CEP63: variants seen among roughly 807,000 people sequenced by gnomAD.
The protein encoded by CEP63 is centrosomal protein 63, also known as centrosomal protein of 63 kDa.
In CEP63, 84 loss-of-function variants were observed where a neutral mutation model predicts 89.1. That is an observed-to-expected ratio of 0.94 (90% CI 0.79 to 1.13). CEP63 has a LOEUF of 1.13. Ranked by LOEUF, CEP63 falls within the 50% of genes most tolerant of loss-of-function variation. The pLI is 0.00. For missense variants in CEP63, 838 were observed against 813.3 expected, an observed-to-expected ratio of 1.03 and a Z score of -0.37; for synonymous variants, 267 against 272.5, an observed-to-expected ratio of 0.98 and a Z score of 0.20.
At chr3:134,687,233 A>G in the CEP63 span, among the ~76,000 whole-genome samples, 2 of 152,214 alleles carry the variant, frequency 1.3e-5, no homozygotes, top group Non-Finnish European at 2.9e-5. Flanking sequence ...ACACATTAGA[A>G]CACACATTTT....
chr3:134,547,395 C>G lies in CEP63; in HGVS notation c.990C>G (p.Asp330Glu). The change falls in exon 9 of 15, where the codon GAC (aspartate) becomes GAG (glutamate). Residue 330 changes from aspartate to glutamate, a missense_variant. By Grantham distance (45) the Asp-to-Glu change is conservative (BLOSUM62 2). Coordinates refer to ENST00000675561, the MANE Select transcript of CEP63 (RefSeq NM_001353108.3). ...CCTCTCAAGGGCAGGGGGACTTAGACAGTGTGCTCTCCCAGTTGAATTTTA... is the reference window on the plus strand; with the variant it reads ...CCTCTCAAGGGCAGGGGGACTTAGAGAGTGTGCTCTCCCAGTTGAATTTTA... ...KYTSQGQGDL[D>E]SVLSQLNFTH... 2 of 1,613,412 alleles carry G rather than the reference C, an allele frequency of 1.2e-6. No homozygotes were observed. Among genetic ancestry groups the G allele is most frequent in the Middle Eastern group, 1.7e-4 (1 of 6,060 alleles).
chr3:134,743,068 G>A, the CEP63 span, among the ~76,000 whole-genome samples: 2 of 152,176 alleles, frequency 1.3e-5, no homozygotes, highest in African/African-American at 4.8e-5. Context: ...TAACACCCAG[G>A]GCAGCTGCCT....
chr3:134,671,400 G>A, the CEP63 span, among the ~76,000 whole-genome samples: 1 of 152,110 alleles, frequency 6.6e-6, no homozygotes, highest in Non-Finnish European at 1.5e-5. Context: ...TCATTATTTG[G>A]GTAATGGGTG....
At chr3:134,629,716 A>G in the CEP63 span, 1 of 1,522,286 alleles carries the variant, frequency 6.6e-7, no homozygotes, top group Non-Finnish European at 9.0e-7. Context: ...AAAGGAGATG[A>G]CATTCTCAAC....
chr3:134,660,400 T>A, the CEP63 span, among the ~76,000 whole-genome samples: 1 of 152,246 alleles, frequency 6.6e-6, no homozygotes, highest in African/African-American at 2.4e-5. Context: ...ACTATTATCC[T>A]GAGTTCATAG....
At chr3:134,520,220 A>C (rs912649519) in intron 3 of CEP63, among the ~76,000 whole-genome samples, 2 of 152,220 alleles carry the variant, frequency 1.3e-5, no homozygotes, top group Admixed American at 6.5e-5. Flanking sequence ...AACAAATGAA[A>C]TAGTAGATTT....
chr3:134,643,454 T>A, the CEP63 span: 1 of 1,332,074 alleles, frequency 7.5e-7, no homozygotes, highest in Non-Finnish European at 1.1e-6. Flanking sequence ...GCTGTATGTG[T>A]TTGCGGGAAA....
At chr3:134,592,506 G>A (rs915118547), downstream of CEP63, among the ~76,000 whole-genome samples, 5 of 151,260 alleles carry the variant, frequency 3.3e-5, no homozygotes, top group African/African-American at 9.7e-5. Flanking sequence ...GTGTGTGTGT[G>A]TGTGTGTGTA....
chr3:134,529,461 C>T (rs1432153025), intron 3 of CEP63, among the ~76,000 whole-genome samples: 1 of 151,254 alleles, frequency 6.6e-6, no homozygotes, highest in African/African-American at 2.4e-5. Flanking sequence ...GTGCCACAGC[C>T]TCCTGAGTGG....
At chr3:134,641,995 G>T in the CEP63 span, among the ~76,000 whole-genome samples, 1 of 152,198 alleles carries the variant, frequency 6.6e-6, no homozygotes, top group East Asian at 1.9e-4. Flanking sequence ...ACAGGACAGA[G>T]CATGGGCTTG....
chr3:134,761,835 G>C, the CEP63 span, among the ~76,000 whole-genome samples: 2 of 152,108 alleles, frequency 1.3e-5, no homozygotes, highest in African/African-American at 2.4e-5. Context: ...TGCTGGGGAG[G>C]TTTGTCTGAA....
chr3:134,590,722 A>T (rs1958581387), downstream of CEP63, among the ~76,000 whole-genome samples: 1 of 152,206 alleles, frequency 6.6e-6, no homozygotes, highest in South Asian at 2.1e-4. Context: ...ACTTTTCCTC[A>T]TGGAGCTAGC....
chr3:134,486,032 T>C (rs1935158761), upstream of CEP63: 2 of 980,702 alleles, frequency 2.0e-6, no homozygotes. Context: ...GCACTCGCTT[T>C]CCTCGGATTC....
the CEP63 span, among the ~76,000 whole-genome samples, chr3:134,597,641 T>C: frequency 2.0e-5 from 3 of 152,206 alleles, no homozygotes; most frequent in Non-Finnish European, 2.9e-5. Flanking sequence ...TGATGGTTTC[T>C]CTAGGGCCTG....
the CEP63 span, among the ~76,000 whole-genome samples, chr3:134,693,444 CA>C: frequency 7.5e-3 from 1,139 of 151,704 alleles, 66 homozygotes; most frequent in South Asian, 0.13. Context: ...CTTCTGTAAG[CA>C]AAAAAAAGAA....
the CEP63 span, among the ~76,000 whole-genome samples, chr3:134,710,391 C>CA: frequency 1.7e-3 from 264 of 152,342 alleles, 1 homozygote; most frequent in Non-Finnish European, 3.0e-3. Flanking sequence ...GCAATGAGAA[C>CA]ACGTCCACCC....
chr3:134,676,714 C>T, the CEP63 span, among the ~76,000 whole-genome samples: 2 of 152,144 alleles, frequency 1.3e-5, no homozygotes, highest in East Asian at 3.9e-4. Flanking sequence ...TCACTTGAGC[C>T]CCTATAATCA....
Position 134,503,869 on chromosome 3 carries a change from C to T in CEP63, c.45-3240C>T, listed in dbSNP as rs192855135. ...CCCATCTCTTCATTTTCAGTTTATG[C>T]GTGTCTTTACAGATGAAGTGAGCTT... On this transcript the variant is annotated intron_variant, in intron 2 of 14. Transcript: ENST00000675561. Among the ~76,000 whole-genome samples the T allele has an allele frequency of 1.1e-4, 8 of 70,646 alleles. No homozygotes were observed. The East Asian group carries it at 2.3e-3, about 20-fold the overall frequency. The allele number at this position is 70,646 out of a possible 152,430, so 46.3% of individuals were successfully genotyped here.
chr3:134,713,220 C>T, the CEP63 span, among the ~76,000 whole-genome samples: 20 of 152,240 alleles, frequency 1.3e-4, no homozygotes, highest in African/African-American at 3.9e-4. Context: ...TTGGCTGAGT[C>T]CCAATTTTAT....
Sources: allele counts gnomAD v4.1 joint callset (sites outside exome capture counted in the v4.1 genomes callset), GRCh38; gene constraint gnomAD v4.1.1; transcripts MANE v1.5; gene names NCBI Gene and HGNC (gene_info 2026-07-23, HGNC 2026-07-21).